ANO2: variants seen among roughly 807,000 people sequenced by gnomAD.
ANO2 encodes anoctamin-2.
Under a neutral mutation model 124.2 loss-of-function variants are expected in ANO2, and 101 were observed. That is an observed-to-expected ratio of 0.81 (90% CI 0.69 to 0.96). ANO2 has a LOEUF of 0.96. ANO2 is among the 40% of genes least tolerant of loss of function. The pLI is 0.00. For missense variants in ANO2, 1,293 were observed against 1,274.5 expected, an observed-to-expected ratio of 1.01 and a Z score of -0.22; for synonymous variants, 486 against 482.5, an observed-to-expected ratio of 1.01 and a Z score of -0.09.
At chr12:5,630,884 T>G (rs150080703) in intron 16 of ANO2, among the ~76,000 whole-genome samples, 32 of 152,304 alleles carry the variant, frequency 2.1e-4, no homozygotes, top group Middle Eastern at 6.8e-3. Flanking sequence ...ATTAGGCCGA[T>G]TCTAGCCAGT....
rs201331829 is a variant in ANO2 at position 5,812,386 on chromosome 12, A to G, written c.893-5018T>C. 4.3e-4 allele frequency among the ~76,000 whole-genome samples: 50 copies of G among 115,578 alleles called. No individual in the cohort carries two copies. In the East Asian group the frequency reaches 5.5e-3, roughly 13 times the overall value. 75.8% of individuals were successfully genotyped at this position (115,578 alleles called of 152,430 possible). On this transcript the variant is annotated intron_variant, in intron 7 of 24. Transcript: ENST00000682330. ...GAGAGAAAGAAAAAGAAAGAAAGAA[A>G]GAAGGGAAGGAAGGAAGGAGGGAGG... is the stretch of plus-strand genomic sequence containing the variant.
At chr12:5,771,897 A>C (rs1428027869) in intron 10 of ANO2, among the ~76,000 whole-genome samples, 1 of 152,264 alleles carries the variant, frequency 6.6e-6, no homozygotes, top group East Asian at 1.9e-4. Context: ...GTTAAAAAGC[A>C]ATAAAAGAAA....
At chr12:5,874,731 C>A (rs4764597) in intron 3 of ANO2, among the ~76,000 whole-genome samples, 1 of 151,948 alleles carries the variant, frequency 6.6e-6, no homozygotes, top group Non-Finnish European at 1.5e-5. Context: ...TTCCTCTGAA[C>A]TGTGTTAGTT....
At chr12:5,767,707 T>C (rs1951938816) in intron 10 of ANO2, among the ~76,000 whole-genome samples, 1 of 152,204 alleles carries the variant, frequency 6.6e-6, no homozygotes, top group African/African-American at 2.4e-5. Flanking sequence ...AATTCAAGAC[T>C]CGAGCTACTT....
At chr12:5,726,808 C>A (rs1039159560) in intron 14 of ANO2, among the ~76,000 whole-genome samples, 7 of 152,292 alleles carry the variant, frequency 4.6e-5, no homozygotes, top group African/African-American at 1.7e-4. Context: ...TCCAATCCCC[C>A]AAACCAATGG....
intron 14 of ANO2, among the ~76,000 whole-genome samples, chr12:5,649,100 G>A (rs189327702): frequency 2.0e-5 from 3 of 152,162 alleles, no homozygotes; most frequent in Non-Finnish European, 4.4e-5. Flanking sequence ...CACAGGCTAA[G>A]GAAACAGAGA....
chr12:5,912,412 A>G (rs1941108458), intron 3 of ANO2, among the ~76,000 whole-genome samples: 3 of 152,080 alleles, frequency 2.0e-5, no homozygotes, highest in Admixed American at 2.0e-4. Flanking sequence ...AGCTGCTCTA[A>G]CCTCCTCAGG....
intron 14 of ANO2, among the ~76,000 whole-genome samples, chr12:5,670,776 G>C (rs975848275): frequency 2.0e-5 from 3 of 152,110 alleles, no homozygotes; most frequent in African/African-American, 7.2e-5. Flanking sequence ...CTGGTCTCAA[G>C]TGATCCTCCT....
At chr12:5,750,517 G>A (rs150968119) in intron 11 of ANO2, among the ~76,000 whole-genome samples, 1 of 152,208 alleles carries the variant, frequency 6.6e-6, no homozygotes, top group Admixed American at 6.5e-5. Flanking sequence ...AGTGGAGAGA[G>A]AGAGGAAAAA....
At chr12:5,665,323 C>T (rs1252034331) in intron 14 of ANO2, among the ~76,000 whole-genome samples, 2 of 152,198 alleles carry the variant, frequency 1.3e-5, no homozygotes, top group African/African-American at 4.8e-5. Context: ...GGCAAGGACC[C>T]ATTCCCATGG....
At chr12:5,650,704 A>G (rs1946876901) in intron 14 of ANO2, among the ~76,000 whole-genome samples, 1 of 152,242 alleles carries the variant, frequency 6.6e-6, no homozygotes, top group Non-Finnish European at 1.5e-5. Flanking sequence ...TATAGCCAGC[A>G]TATAAGACAG....
chr12:5,813,143 G>C (rs919677023), intron 7 of ANO2, among the ~76,000 whole-genome samples: 1 of 152,188 alleles, frequency 6.6e-6, no homozygotes, highest in African/African-American at 2.4e-5. Flanking sequence ...CTGGTGGCTA[G>C]GGCATTAAAA....
chr12:5,903,743 T>C (rs1023490425), intron 3 of ANO2, among the ~76,000 whole-genome samples: 2 of 151,970 alleles, frequency 1.3e-5, no homozygotes, highest in Non-Finnish European at 2.9e-5. Context: ...TGATGAGTGG[T>C]AGCACAGATA....
intron 4 of ANO2, among the ~76,000 whole-genome samples, chr12:5,842,326 G>T (rs568603036): frequency 2.1e-4 from 32 of 152,262 alleles, no homozygotes; most frequent in Non-Finnish European, 2.2e-4. Context: ...TCATTGGATG[G>T]TCGGAGGGGT....
At position 5,691,354 on chromosome 12, in the gene ANO2, G is replaced by A. The variant is rs1253566798; in HGVS notation, c.1545+41166C>T. Among the ~76,000 whole-genome samples, 133 of 141,100 alleles carry A rather than the reference G, an allele frequency of 9.4e-4. 1 individual carries two copies. Among genetic ancestry groups the A allele is most frequent in the Non-Finnish European group, 1.1e-3 (71 of 64,522 alleles). The allele number at this position is 141,100 out of a possible 152,430, so 92.6% of individuals were successfully genotyped here. On this transcript the variant is annotated intron_variant, in intron 14 of 24. Coordinates refer to ENST00000682330, the MANE Select transcript of ANO2 (RefSeq NM_001364791.2). ...AAAAAAAAAAAAAAAAAAAGAAGAAGAAGAAGAAAAAGAAAAAAAGAAATA... is the reference window on the plus strand; with the variant it reads ...AAAAAAAAAAAAAAAAAAAGAAGAAAAAGAAGAAAAAGAAAAAAAGAAATA...
chr12:5,566,378 T>C (rs1397472184), intron 23 of ANO2, among the ~76,000 whole-genome samples: 2 of 152,184 alleles, frequency 1.3e-5, no homozygotes, highest in African/African-American at 2.4e-5. Context: ...TAGAGAAGCC[T>C]TGGGTTTTCC....
At chr12:5,665,051 A>T (rs544047285) in intron 14 of ANO2, among the ~76,000 whole-genome samples, 2 of 151,838 alleles carry the variant, frequency 1.3e-5, no homozygotes, top group East Asian at 3.9e-4. Flanking sequence ...TAGTGATTTG[A>T]CCTTAAGCCA....
intron 7 of ANO2, among the ~76,000 whole-genome samples, chr12:5,825,951 C>G (rs1021568017): frequency 3.9e-5 from 6 of 152,184 alleles, no homozygotes; most frequent in Admixed American, 1.3e-4. Context: ...AGGTAGTCAT[C>G]AACACCAGCT....
chr12:5,928,294 C>T (rs942859034), intron 1 of ANO2, among the ~76,000 whole-genome samples: 15 of 152,170 alleles, frequency 9.9e-5, no homozygotes, highest in Admixed American at 9.8e-4. Context: ...ACCTCCATCC[C>T]CAACCTCCCA....
Sources: allele counts gnomAD v4.1 joint callset (sites outside exome capture counted in the v4.1 genomes callset), GRCh38; gene constraint gnomAD v4.1.1; transcripts MANE v1.5; gene names NCBI Gene and HGNC (gene_info 2026-07-23, HGNC 2026-07-21).